KIAA0319L: variants seen among roughly 807,000 people sequenced by gnomAD.
KIAA0319L encodes dyslexia-associated protein KIAA0319-like protein.
Under a neutral mutation model 120.1 loss-of-function variants are expected in KIAA0319L, and 55 were observed. The ratio of observed to expected loss-of-function variants is 0.46; its 90% CI spans 0.37 to 0.57. The LOEUF (loss-of-function observed/expected upper bound fraction) is 0.57. Among genes scored for constraint, KIAA0319L ranks in the 20% least tolerant of loss-of-function variants. The probability of loss-of-function intolerance (pLI) is 0.00; values close to 1 mark genes in which losing one functional copy is unlikely to be tolerated. For synonymous variants in KIAA0319L, 398 were observed against 471.9 expected (o/e 0.84, Z 2.03); for missense variants, 1,049 against 1,255.3 (o/e 0.84, Z 2.48).
chr1:35,469,132 G>A (rs1570713191), intron 6 of KIAA0319L, among the ~76,000 whole-genome samples: 1 of 152,114 alleles, frequency 6.6e-6, no homozygotes, highest in Non-Finnish European at 1.5e-5. Flanking sequence ...GGGCTCAAGC[G>A]ATCCTCCCAC....
At chr1:35,503,210 G>A (rs1211022468) in intron 3 of KIAA0319L, among the ~76,000 whole-genome samples, 1 of 152,146 alleles carries the variant, frequency 6.6e-6, no homozygotes, top group Non-Finnish European at 1.5e-5. Flanking sequence ...AGAAAGAGAT[G>A]AGAACTACAA....
intron 2 of KIAA0319L, among the ~76,000 whole-genome samples, chr1:35,553,715 G>T (rs1364340201): frequency 1.4e-3 from 3 of 2,102 alleles, no homozygotes; most frequent in Non-Finnish European, 2.1e-3. Context: ...GAACTTGAAA[G>T]AAAGAAAGAA....
chr1:35,497,811 A>G (rs1644867777), intron 3 of KIAA0319L, among the ~76,000 whole-genome samples: 1 of 152,238 alleles, frequency 6.6e-6, no homozygotes, highest in Admixed American at 6.5e-5. Flanking sequence ...TCATAAAATA[A>G]GTATCATCTC....
chr1:35,473,640 G>A (rs2149130214), intron 5 of KIAA0319L, among the ~76,000 whole-genome samples: 1 of 152,258 alleles, frequency 6.6e-6, no homozygotes, highest in South Asian at 2.1e-4. Flanking sequence ...CTTCTCTAGA[G>A]GAATGTGAAA....
intron 2 of KIAA0319L, among the ~76,000 whole-genome samples, chr1:35,516,785 T>C (rs1645698318): frequency 6.6e-6 from 1 of 152,180 alleles, no homozygotes; most frequent in Non-Finnish European, 1.5e-5. Context: ...GCATTCAACA[T>C]GATTCTATAT....
intron 19 of KIAA0319L, 51 bp from the exon 20 acceptor site, chr1:35,441,189 A>G: frequency 6.5e-7 from 1 of 1,540,378 alleles, no homozygotes; most frequent in East Asian, 2.2e-5. Context: ...CTCTGGGAGG[A>G]TGAGGATGAG....
intron 3 of KIAA0319L, among the ~76,000 whole-genome samples, chr1:35,486,553 A>G (rs1168301246): frequency 6.6e-6 from 1 of 151,420 alleles, no homozygotes; most frequent in East Asian, 1.9e-4. Flanking sequence ...TCTTGTTTCT[A>G]TTTTCCCATT....
Position 35,437,617 on chromosome 1 carries a change from T to A in KIAA0319L, c.2963-2536A>T, listed in dbSNP as rs756345991. ...CTCTCTGATGGGCCAGGAGCTTCTC[T>A]GGTGCTATCAATTCTGATTCTTTGG... On this transcript the variant is annotated intron_variant, in intron 20 of 20. Transcript: ENST00000325722. The surrounding 1 kb of genome is among the most constrained non-coding windows in gnomAD (Gnocchi z 4.1). Among the ~76,000 whole-genome samples, 2 of 152,238 alleles carry A rather than the reference T, an allele frequency of 1.3e-5. No individual in the cohort carries two copies. Among genetic ancestry groups the A allele is most frequent in the African/African-American group, 4.8e-5 (2 of 41,468 alleles).
At chr1:35,467,947 C>T (rs912898196) in intron 6 of KIAA0319L, among the ~76,000 whole-genome samples, 6 of 152,164 alleles carry the variant, frequency 3.9e-5, no homozygotes, top group Non-Finnish European at 8.8e-5. Flanking sequence ...CCTCGGCCTC[C>T]CAAAGTGCTG....
At chr1:35,496,595 A>C (rs2148370153) in intron 3 of KIAA0319L, among the ~76,000 whole-genome samples, 1 of 152,322 alleles carries the variant, frequency 6.6e-6, no homozygotes, top group East Asian at 1.9e-4. Flanking sequence ...TAACAGGTAA[A>C]TGGATAAACA....
At chr1:35,515,368 C>T (rs1570915098) in intron 2 of KIAA0319L, among the ~76,000 whole-genome samples, 1 of 149,956 alleles carries the variant, frequency 6.7e-6, no homozygotes, top group East Asian at 2.0e-4. Flanking sequence ...GACCACAACA[C>T]AATGAAAATA....
chr1:35,484,808 T>A (rs867595308), intron 3 of KIAA0319L, among the ~76,000 whole-genome samples: 86 of 108,926 alleles, frequency 7.9e-4, no homozygotes, highest in African/African-American at 1.1e-3. Flanking sequence ...ATATATATAT[T>A]TTTTTTTTTA....
intron 3 of KIAA0319L, among the ~76,000 whole-genome samples, chr1:35,484,798 ATATATATAT>A (rs1381015111): frequency 0.017 from 424 of 25,288 alleles, 6 homozygotes; most frequent in African/African-American, 0.069. Context: ...ATATATATAT[ATATATATAT>A]TTTTTTTTTT....
At chr1:35,532,259 G>T (rs1176758067) in intron 2 of KIAA0319L, among the ~76,000 whole-genome samples, 1 of 151,722 alleles carries the variant, frequency 6.6e-6, no homozygotes, top group African/African-American at 2.4e-5. Context: ...AAAAAAAGAG[G>T]AAGAGGTACT....
intron 2 of KIAA0319L, among the ~76,000 whole-genome samples, chr1:35,552,095 A>G (rs568840060): frequency 6.6e-6 from 1 of 152,210 alleles, no homozygotes; most frequent in East Asian, 1.9e-4. Context: ...CTGTAATCCC[A>G]GCACTTTGGG....
chr1:35,505,459 T>C (rs947104805), intron 3 of KIAA0319L, among the ~76,000 whole-genome samples: 2 of 152,216 alleles, frequency 1.3e-5, no homozygotes, highest in African/African-American at 4.8e-5. Flanking sequence ...GTGAATCACT[T>C]CTTGTGTTCT....
rs1212379153 is a variant in KIAA0319L, at chr1:35,437,147, C to T, written c.2963-2066G>A. Among the ~76,000 whole-genome samples the T allele has an allele frequency of 6.6e-6, 1 of 152,164 alleles. No individual in the cohort carries two copies. Among genetic ancestry groups the T allele is most frequent in the East Asian group, 1.9e-4 (1 of 5,184 alleles). On this transcript the variant is annotated intron_variant, in intron 20 of 20. Transcript: ENST00000325722. The surrounding 1 kb of genome is among the most constrained non-coding windows in gnomAD (Gnocchi z 4.1). ...GTTGTTGGTTTTGGTCACCTAGATGCCACTGGAACACCCCATGGCTCTCCC... is the reference window on the plus strand; with the variant it reads ...GTTGTTGGTTTTGGTCACCTAGATGTCACTGGAACACCCCATGGCTCTCCC...
chr1:35,510,036 G>A (rs1458639586), intron 2 of KIAA0319L: 1 of 152,472 alleles, frequency 6.6e-6, no homozygotes, highest in Admixed American at 6.5e-5. Context: ...ATAGAAAGAG[G>A]CCTGGATTGA....
At position 35,435,026 on chromosome 1, in the gene KIAA0319L, C is replaced by T. The variant is rs1203683133; in HGVS notation, c.3018G>A (p.Glu1006=). The change falls in exon 21 of 21, where the codon GAG becomes GAA. Residue 1006 remains glutamate, a synonymous_variant. Coordinates refer to ENST00000325722, the MANE Select transcript of KIAA0319L (RefSeq NM_024874.5). ...LSSSLMHSES[E]LDSDDAIFTW... ...TAAAGATGGCATCATCGCTGTCCAGCTCTGACTCGGAGTGCATCAGGCTGC... is the reference window on the plus strand; with the variant it reads ...TAAAGATGGCATCATCGCTGTCCAGTTCTGACTCGGAGTGCATCAGGCTGC... 6.2e-7 allele frequency: 1 copy of T among 1,614,246 alleles called. No individual in the cohort carries two copies. Among genetic ancestry groups the T allele is most frequent in the Non-Finnish European group, 8.5e-7 (1 of 1,180,048 alleles).
Sources: allele counts gnomAD v4.1 joint callset (sites outside exome capture counted in the v4.1 genomes callset), GRCh38; gene constraint gnomAD v4.1.1; non-coding constraint Gnocchi (gnomAD v3.1); transcripts MANE v1.5; gene names NCBI Gene and HGNC (gene_info 2026-07-23, HGNC 2026-07-21).